Variants in LRATD1 observed in about 807,000 individuals in gnomAD.
LRATD1 encodes LRAT domain containing 1.
LRATD1 carries 8 observed loss-of-function variants against 21.3 expected under a neutral mutation model. That is an observed-to-expected ratio of 0.38 (90% CI 0.22 to 0.68). The LOEUF (loss-of-function observed/expected upper bound fraction) is 0.68, where lower values mean the gene tolerates loss of function less well. LRATD1 is among the 30% of genes least tolerant of loss of function. LRATD1 has a pLI of 0.54. For missense variants in LRATD1, 380 were observed against 404.0 expected, an observed-to-expected ratio of 0.94 and a Z score of 0.51; for synonymous variants, 210 against 186.2, an observed-to-expected ratio of 1.13 and a Z score of -1.04.
At chr2:14,645,902 G>A (rs1448508075) in intron 2 of LRATD1, among the ~76,000 whole-genome samples, 1 of 152,144 alleles carries the variant, frequency 6.6e-6, no homozygotes, top group Non-Finnish European at 1.5e-5. Context: ...CCTTGTGTCT[G>A]TCAGGTCTTA....
At chr2:14,649,066 T>C (rs1671948189) in intron 4 of LRATD1, among the ~76,000 whole-genome samples, 1 of 152,074 alleles carries the variant, frequency 6.6e-6, no homozygotes, top group Non-Finnish European at 1.5e-5. Context: ...AAAGAGTCAA[T>C]TTACAACTTC....
chr2:14,640,542 C>T (rs537393810), downstream of LRATD1, among the ~76,000 whole-genome samples: 4 of 152,318 alleles, frequency 2.6e-5, no homozygotes, highest in East Asian at 5.8e-4. Flanking sequence ...TCATATAAGG[C>T]TATTGCTTAT....
downstream of LRATD1, among the ~76,000 whole-genome samples, chr2:14,643,802 A>C (rs1671849171): frequency 6.6e-6 from 1 of 152,172 alleles, no homozygotes; most frequent in Non-Finnish European, 1.5e-5. Context: ...CCGTCCATTT[A>C]ATATTACAGT....
In LRATD1 at chr2:14,634,324, G is replaced by C; in HGVS notation, c.345G>C (p.Ala115=). ...ACCTAAGCGTCTACGCGGTCACCGCGCTGCCAGCGCTCTGCGAACCCGGCG... is the reference window on the plus strand; with the variant it reads ...ACCTAAGCGTCTACGCGGTCACCGCCCTGCCAGCGCTCTGCGAACCCGGCG... ...GADLSVYAVT[A]LPALCEPGDL... is the part of the protein sequence containing the mutation. Residue 115 remains alanine (A), a synonymous_variant, in exon 2 of 2, where the codon GCG becomes GCC. Coordinates refer to ENST00000295092, the MANE Select transcript of LRATD1 (RefSeq NM_145175.4). 2 of 1,592,624 alleles carry C rather than the reference G, an allele frequency of 1.3e-6. No homozygotes were observed. Among genetic ancestry groups the C allele is most frequent in the African/African-American group, 2.7e-5 (2 of 74,878 alleles).
At chr2:14,643,231 T>C (rs1165839918), downstream of LRATD1, among the ~76,000 whole-genome samples, 1 of 152,190 alleles carries the variant, frequency 6.6e-6, no homozygotes, top group Non-Finnish European at 1.5e-5. Context: ...TATTTGTGTA[T>C]AATTTTATAA....
In LRATD1 at chr2:14,639,357, A is replaced by G. The variant is rs1390555014; in HGVS notation, c.*4499A>G. The G allele has an allele frequency of 6.0e-6, 1 of 167,052 alleles. No homozygotes were observed. Among genetic ancestry groups the G allele is most frequent in the African/African-American group, 2.4e-5 (1 of 41,452 alleles). 10.3% of individuals were successfully genotyped at this position (167,052 alleles called of 1,614,324 possible). On this transcript the variant is annotated 3_prime_UTR_variant, in exon 2 of 2. Coordinates refer to ENST00000295092, the MANE Select transcript of LRATD1 (RefSeq NM_145175.4). ...TCAAAGGAAAGTTGTAAATATTAGG[A>G]AGTAACTGAAAAATAAGAAGCAAGA...
In LRATD1 at chr2:14,637,402, G is replaced by C. The variant is rs1204746457; in HGVS notation, c.*2544G>C. 1 of 166,994 alleles carries C rather than the reference G, an allele frequency of 6.0e-6. No homozygotes were observed. Among genetic ancestry groups the C allele is most frequent in the Admixed American group, 6.5e-5 (1 of 15,284 alleles). 10.3% of individuals were successfully genotyped at this position (166,994 alleles called of 1,614,324 possible). ...GGTCACTCTCATAGAGGAATGTCTTGTCAGTTTTATACTTGCTGAGGCTAG... is the reference window on the plus strand; with the variant it reads ...GGTCACTCTCATAGAGGAATGTCTTCTCAGTTTTATACTTGCTGAGGCTAG... On this transcript the variant is annotated 3_prime_UTR_variant, in exon 2 of 2. Transcript: ENST00000295092.
rs1386867685 is a variant in LRATD1, at chr2:14,639,114, A to AC, written c.*4257dup. On this transcript the variant is annotated 3_prime_UTR_variant, in exon 2 of 2. Transcript: ENST00000295092. The stretch of plus-strand genomic sequence containing the variant: ...TTATTTCATTCAGATACACACACAC[A>AC]CACACACACACACAGGCTACTTAAA... The AC allele has an allele frequency of 6.0e-6, 1 of 166,566 alleles. No individual in the cohort carries two copies. Among genetic ancestry groups the AC allele is most frequent in the African/African-American group, 2.4e-5 (1 of 41,246 alleles). The allele number at this position is 166,566 out of a possible 1,614,324, so 10.3% of individuals were successfully genotyped here. A position where few individuals can be genotyped will look rare whatever the true frequency, so the allele number is the denominator to read the frequency against.
At position 14,635,062 on chromosome 2, in the gene LRATD1, G is replaced by A. The variant is rs1258999054; in HGVS notation, c.*204G>A. ...CAGGAACTGCCCCAGGGCCGAAAGG[G>A]CGCCGCTGCGAGCGCCTGGCTGACA... On this transcript the variant is annotated 3_prime_UTR_variant, in exon 2 of 2. Transcript: ENST00000295092. 2 of 802,906 alleles carry A rather than the reference G, an allele frequency of 2.5e-6. No homozygotes were observed. Among genetic ancestry groups the A allele is most frequent in the African/African-American group, 1.7e-5 (1 of 58,572 alleles). 49.7% of individuals were successfully genotyped at this position (802,906 alleles called of 1,614,324 possible). A position where few individuals can be genotyped will look rare whatever the true frequency, so the allele number is the denominator to read the frequency against.
chr2:14,651,897 T>G (rs558250627), downstream of LRATD1, among the ~76,000 whole-genome samples: 31 of 152,264 alleles, frequency 2.0e-4, no homozygotes, highest in Non-Finnish European at 4.1e-4. Flanking sequence ...GGTGATAAAT[T>G]TATTTTTTGA....
At chr2:14,647,580 G>T (rs558385132) in intron 4 of LRATD1, among the ~76,000 whole-genome samples, 1 of 152,124 alleles carries the variant, frequency 6.6e-6, no homozygotes, top group East Asian at 1.9e-4. Flanking sequence ...TCATGAGGGT[G>T]GACCCCTCAT....
At chr2:14,645,378 T>C (rs1671876552) in intron 2 of LRATD1, among the ~76,000 whole-genome samples, 1 of 152,350 alleles carries the variant, frequency 6.6e-6, no homozygotes, top group Admixed American at 6.5e-5. Flanking sequence ...CATCAGCTTC[T>C]GGACTGCAAT....
chr2:14,634,591 C>G lies in LRATD1; in HGVS notation c.612C>G (p.Ser204Arg). ...QNACGHLGLK[S>R]EEICWTNSES... ...CCTGCGGCCACCTGGGCCTCAAGAGCGAGGAGATCTGCTGGACGAACTCGG... is the reference window on the plus strand; with the variant it reads ...CCTGCGGCCACCTGGGCCTCAAGAGGGAGGAGATCTGCTGGACGAACTCGG... Residue 204 changes from serine to arginine, a missense_variant, in exon 2 of 2, where the codon AGC (serine) becomes AGG (arginine). Transcript: ENST00000295092. 1 of 1,501,932 alleles carries G rather than the reference C, an allele frequency of 6.7e-7. No individual in the cohort carries two copies. The highest frequency in any genetic ancestry group is 8.9e-7 in the Non-Finnish European group (1 of 1,122,308). The allele number at this position is 1,501,932 out of a possible 1,614,324, so 93.0% of individuals were successfully genotyped here.
rs1671726376 is a variant in LRATD1 at position 14,638,033 on chromosome 2, A to G, written c.*3175A>G. On this transcript the variant is annotated 3_prime_UTR_variant, in exon 2 of 2. Coordinates refer to ENST00000295092, the MANE Select transcript of LRATD1 (RefSeq NM_145175.4). The stretch of plus-strand genomic sequence containing the variant: ...TATATTTATACTGCATTCTTTCTCA[A>G]CTTTCAGGTAAAACAAACTATGATT... 6.0e-6 allele frequency: 1 copy of G among 166,972 alleles called. No homozygotes were observed. The highest frequency in any genetic ancestry group is 1.5e-5 in the Non-Finnish European group (1 of 68,078). The allele number at this position is 166,972 out of a possible 1,614,324, so 10.3% of individuals were successfully genotyped here.
At chr2:14,644,361 AT>A (rs1671859823), downstream of LRATD1, among the ~76,000 whole-genome samples, 1 of 152,128 alleles carries the variant, frequency 6.6e-6, no homozygotes, top group Admixed American at 6.5e-5. Context: ...ATTTTTGTTA[AT>A]TTTTTATTAT....
rs1363797669 is a variant in LRATD1 at position 14,634,492 on chromosome 2, G to T, written c.513G>T (p.Ala171=). 2 of 1,507,408 alleles carry T rather than the reference G, an allele frequency of 1.3e-6. No individual in the cohort carries two copies. The highest frequency in any genetic ancestry group is 1.4e-5 in the African/African-American group (1 of 71,418). 93.4% of individuals were successfully genotyped at this position (1,507,408 alleles called of 1,614,324 possible). ...IRQDSLYEAG[A]ANVGRVVNSW... ...AGGACAGCCTGTATGAGGCGGGCGCGGCCAACGTGGGCCGGGTGGTGAATA... is the reference window on the plus strand; with the variant it reads ...AGGACAGCCTGTATGAGGCGGGCGCTGCCAACGTGGGCCGGGTGGTGAATA... Residue 171 remains alanine, a synonymous_variant, in exon 2 of 2, where the codon GCG becomes GCT. Transcript: ENST00000295092.
chr2:14,638,668 C>G lies in LRATD1; in HGVS notation c.*3810C>G, dbSNP rs1316574715. 2 of 167,028 alleles carry G rather than the reference C, an allele frequency of 1.2e-5. No homozygotes were observed. Among genetic ancestry groups the G allele is most frequent in the African/African-American group, 4.8e-5 (2 of 41,450 alleles). The allele number at this position is 167,028 out of a possible 1,614,324, so 10.3% of individuals were successfully genotyped here. A position where few individuals can be genotyped will look rare whatever the true frequency, so the allele number is the denominator to read the frequency against. On this transcript the variant is annotated 3_prime_UTR_variant, in exon 2 of 2. Transcript: ENST00000295092. ...TGTCTTAGTCATCTAATACATGGAACAGGGTCAAACTTCAATGAAATTAAT... is the reference window on the plus strand; with the variant it reads ...TGTCTTAGTCATCTAATACATGGAAGAGGGTCAAACTTCAATGAAATTAAT...
Position 14,636,984 on chromosome 2 carries a change from T to C in LRATD1, c.*2126T>C, listed in dbSNP as rs1302127571. The C allele has an allele frequency of 6.0e-6, 1 of 167,088 alleles. No homozygotes were observed. Among genetic ancestry groups the C allele is most frequent in the Non-Finnish European group, 1.5e-5 (1 of 68,124 alleles). 10.4% of individuals were successfully genotyped at this position (167,088 alleles called of 1,614,324 possible). On this transcript the variant is annotated 3_prime_UTR_variant, in exon 2 of 2. Coordinates refer to ENST00000295092, the MANE Select transcript of LRATD1 (RefSeq NM_145175.4). ...ATTGAGTGATTTATTTTTTAAAAAA[T>C]GTTTAAATGCATATGCTTTTCTTTC...
chr2:14,644,005 A>G (rs1671852860), downstream of LRATD1, among the ~76,000 whole-genome samples: 2 of 152,184 alleles, frequency 1.3e-5, no homozygotes, highest in South Asian at 4.1e-4. Context: ...AAAAACAACT[A>G]TTCTACAGCA....
Sources: allele counts gnomAD v4.1 joint callset (sites outside exome capture counted in the v4.1 genomes callset), GRCh38; gene constraint gnomAD v4.1.1; transcripts MANE v1.5; gene names NCBI Gene and HGNC (gene_info 2026-07-23, HGNC 2026-07-21).